LAMB4: variants seen among roughly 807,000 people sequenced by gnomAD.
LAMB4 encodes laminin subunit beta-4.
A neutral mutation model predicts 199.2 loss-of-function variants in LAMB4; 196 were observed. The observed-to-expected ratio is 0.98, with a 90% CI of 0.88 to 1.11. LAMB4 has a LOEUF of 1.11. Ranked by LOEUF, LAMB4 falls within the 50% of genes least tolerant of loss-of-function variation. The pLI, the probability that LAMB4 is intolerant of heterozygous loss-of-function variation, is 0.00. For synonymous variants in LAMB4, 744 were observed against 770.6 expected (o/e 0.97, Z 0.57); for missense variants, 2,080 against 2,171.2 (o/e 0.96, Z 0.83).
rs187471926 is a variant in LAMB4 at position 108,048,050 on chromosome 7, G to T, written c.4184C>A (p.Thr1395Lys). ...VPLPCGGALC[T>K]GRKGHRKCRG... ...ACACTTCCTGTGCCCCTTCCGGCCC[G>T]TGCAGAGAGCACCGCCACAGGGCAA... Residue 1395 changes from threonine (T) to lysine (K), a missense_variant, in exon 28 of 34, where the codon ACG becomes AAG. Coordinates refer to ENST00000388781, the MANE Select transcript of LAMB4 (RefSeq NM_007356.3). 1.1e-5 allele frequency: 17 copies of T among 1,613,992 alleles called. No homozygotes were observed. The Admixed American group carries it at 2.7e-4, about 25-fold the overall frequency.
chr7:108,082,100 G>T (rs438114), intron 14 of LAMB4, among the ~76,000 whole-genome samples: 52,728 of 151,922 alleles, frequency 0.35, 10,110 homozygotes, highest in East Asian at 0.58. Context: ...GGAGGCCGAG[G>T]TGGGTGGATC....
At chr7:108,067,890 A>G in intron 19 of LAMB4, 126 bp downstream of exon 19, 4 of 1,141,660 alleles carry the variant, frequency 3.5e-6, no homozygotes, top group Non-Finnish European at 5.2e-6. Context: ...ATGTACATAG[A>G]TAGTCTGAAT....
In LAMB4 at chr7:108,037,584, G is replaced by T; in HGVS notation, c.4483C>A (p.Pro1495Thr). 1 of 1,613,700 alleles carries T rather than the reference G, an allele frequency of 6.2e-7. No individual in the cohort carries two copies. The highest frequency in any genetic ancestry group is 8.5e-7 in the Non-Finnish European group (1 of 1,179,720). ...GCAACCTTCTCGATGTCTTCTGGAG[G>T]CACGTTTTCCTCTTAAATAAGAAGC... Reference protein sequence around the residue: ...VKNFLLEENVPPEDIEKVANG... With the variant: ...VKNFLLEENVTPEDIEKVANG... Residue 1495 changes from proline (P) to threonine (T), a missense_variant, in exon 30 of 34, where the codon CCT (proline) becomes ACT (threonine). Coordinates refer to ENST00000388781, the MANE Select transcript of LAMB4 (RefSeq NM_007356.3).
chr7:108,024,231 T>A, intron 33 of LAMB4, 53 bp from the exon 34 acceptor site: 2 of 1,087,880 alleles, frequency 1.8e-6, no homozygotes, highest in Non-Finnish European at 2.6e-6. Flanking sequence ...GGATTCCTGC[T>A]GGATACCTAC....
the LAMB4 span, among the ~76,000 whole-genome samples, chr7:108,016,063 G>T: frequency 6.6e-6 from 1 of 151,920 alleles, no homozygotes; most frequent in Non-Finnish European, 1.5e-5. Context: ...CTATTTGATG[G>T]TCCATTTAAT....
the LAMB4 span, among the ~76,000 whole-genome samples, chr7:108,018,221 C>G: frequency 6.6e-6 from 1 of 152,228 alleles, no homozygotes; most frequent in Non-Finnish European, 1.5e-5. Context: ...AGTTTTAATC[C>G]ACAAGGGCAT....
At position 108,030,805 on chromosome 7, in the gene LAMB4, C is replaced by T. The variant is rs2034999858; in HGVS notation, c.4992+1G>A. On this transcript the variant is annotated splice_donor_variant, in intron 32 of 33. Coordinates refer to ENST00000388781, the MANE Select transcript of LAMB4 (RefSeq NM_007356.3). LOFTEE classifies it high-confidence loss of function. ...TTGGTGGCAGTGGTAGAACTAATGA[C>T]CTTCTCAAGACTCCCAGCCTGGTGT... 1 of 1,613,582 alleles carries T rather than the reference C, an allele frequency of 6.2e-7. No homozygotes were observed. The highest frequency in any genetic ancestry group is 8.5e-7 in the Non-Finnish European group (1 of 1,179,722).
intron 1 of LAMB4, among the ~76,000 whole-genome samples, chr7:108,126,658 G>A (rs959501799): frequency 2.9e-5 from 4 of 137,450 alleles, no homozygotes; most frequent in African/African-American, 1.1e-4. Context: ...TCCGCTTCCC[G>A]GGTTCACGCC....
Position 108,047,901 on chromosome 7 carries a change from T to C in LAMB4, c.4326+7A>G, listed in dbSNP as rs1185439668. 6.2e-7 allele frequency: 1 copy of C among 1,607,272 alleles called. No homozygotes were observed. On this transcript the variant is annotated splice_region_variant and intron_variant, in intron 28 of 33. Coordinates refer to ENST00000388781, the MANE Select transcript of LAMB4 (RefSeq NM_007356.3). ...ACTTTACAAATAAAGCAAGAGAAGATATTTACCTGATTTTTCAACCCACGA... is the reference window on the plus strand; with the variant it reads ...ACTTTACAAATAAAGCAAGAGAAGACATTTACCTGATTTTTCAACCCACGA...
chr7:108,091,840 G>T, intron 13 of LAMB4, 64 bp from the exon 14 acceptor site: 7 of 1,539,160 alleles, frequency 4.5e-6, no homozygotes, highest in Non-Finnish European at 6.2e-6. Context: ...GAAGGTGTAG[G>T]GGTGCTGGGC....
At chr7:108,094,108 T>TGG (rs576423756) in intron 12 of LAMB4, among the ~76,000 whole-genome samples, 1 of 151,754 alleles carries the variant, frequency 6.6e-6, no homozygotes, top group South Asian at 2.1e-4. Context: ...AGTTCCCCCA[T>TGG]GGGGGGGGTC....
chr7:108,110,047 A>G (rs562377238), intron 4 of LAMB4, among the ~76,000 whole-genome samples: 1 of 152,316 alleles, frequency 6.6e-6, no homozygotes, highest in East Asian at 1.9e-4. Context: ...GTGATTTTTT[A>G]AAGACAGAGT....
At position 108,055,749 on chromosome 7, in the gene LAMB4, C is replaced by T; in HGVS notation, c.3638G>A (p.Cys1213Tyr). Residue 1213 changes from cysteine to tyrosine, a missense_variant, in exon 25 of 34, where the codon TGT becomes TAT. Cys to Tyr is a radical substitution (Grantham distance 194, BLOSUM62 -2). Transcript: ENST00000388781. ...TCTGAGGTCTTTGAAGTCTGCCTCACAGACAGGCAGGGTCTCTCTTTTATC... is the reference window on the plus strand; with the variant it reads ...TCTGAGGTCTTTGAAGTCTGCCTCATAGACAGGCAGGGTCTCTCTTTTATC... Reference protein sequence around the residue: ...MEDKRETLPVCEADFKDLRGN... With the variant: ...MEDKRETLPVYEADFKDLRGN... 6.2e-7 allele frequency: 1 copy of T among 1,614,206 alleles called. No individual in the cohort carries two copies. The highest frequency in any genetic ancestry group is 1.3e-5 in the African/African-American group (1 of 75,058).
intron 19 of LAMB4, among the ~76,000 whole-genome samples, chr7:108,067,529 T>G (rs2036383538): frequency 6.6e-6 from 1 of 152,194 alleles, no homozygotes; most frequent in African/African-American, 2.4e-5. Flanking sequence ...ATAAAATGAG[T>G]TACAAGGCTG....
intron 6 of LAMB4, 62 bp from the exon 7 acceptor site, chr7:108,106,634 CTCTT>C: frequency 4.2e-6 from 4 of 956,908 alleles, no homozygotes; most frequent in Non-Finnish European, 6.3e-6. Context: ...GTCAAACACA[CTCTT>C]TTTTTTTTTC....
chr7:108,075,202 G>T (rs1310631542), intron 17 of LAMB4, among the ~76,000 whole-genome samples: 1 of 152,164 alleles, frequency 6.6e-6, no homozygotes, highest in Non-Finnish European at 1.5e-5. Context: ...TATAGTTAGG[G>T]AAATCATGAC....
At chr7:108,123,293 T>G in intron 1 of LAMB4, 96 bp from the exon 2 acceptor site, 1 of 688,542 alleles carries the variant, frequency 1.5e-6, no homozygotes. Flanking sequence ...CGAATGGTTC[T>G]TATGCTTTAG....
At chr7:108,061,693 C>T (rs1160235451) in intron 23 of LAMB4, among the ~76,000 whole-genome samples, 1 of 141,452 alleles carries the variant, frequency 7.1e-6, no homozygotes, top group Admixed American at 7.3e-5. Flanking sequence ...GAGCCAAGAT[C>T]ATACCACTGC....
chr7:108,025,379 T>TTC lies in LAMB4; in HGVS notation c.5147-1202_5147-1201insGA, dbSNP rs1491319347. 5.2e-3 allele frequency among the ~76,000 whole-genome samples: 542 copies of TTC among 104,350 alleles called. 170 individuals carry two copies. Among genetic ancestry groups the TTC allele is most frequent in the African/African-American group, 0.045 (456 of 10,118 alleles). The allele number at this position is 104,350 out of a possible 152,430, so 68.5% of individuals were successfully genotyped here. A position where few individuals can be genotyped will look rare whatever the true frequency, so the allele number is the denominator to read the frequency against. On this transcript the variant is annotated intron_variant, in intron 33 of 33. Transcript: ENST00000388781. ...TGTCACTAGATTCTTTCTTTCTTTC[T>TTC]TTTCTTTTCTTTTCTTTCTTTCTTT...
Sources: gnomAD v4.1 joint callset for allele counts (sites outside exome capture counted in the v4.1 genomes callset) on GRCh38, gnomAD v4.1.1 for gene constraint, MANE v1.5 for transcripts, NCBI Gene and HGNC (gene_info 2026-07-23, HGNC 2026-07-21) for gene names.